The following VPS54 variants were observed in gnomAD, a reference collection of about 807,000 sequenced individuals.
VPS54 encodes vacuolar protein sorting-associated protein 54.
VPS54 carries 45 observed loss-of-function variants against 121.5 expected under a neutral mutation model. That is an observed-to-expected ratio of 0.37 (90% CI 0.29 to 0.47). VPS54 has a LOEUF of 0.47. Ranked by LOEUF, VPS54 falls within the 20% of genes least tolerant of loss-of-function variation. VPS54 has a pLI of 0.99. For missense variants in VPS54, 1,090 were observed against 1,131.4 expected (o/e 0.96, Z 0.52); for synonymous variants, 371 against 385.8 (o/e 0.96, Z 0.45).
intron 7 of VPS54, among the ~76,000 whole-genome samples, chr2:63,954,861 CG>C (rs1675421051): frequency 6.6e-6 from 1 of 151,800 alleles, no homozygotes; most frequent in African/African-American, 2.4e-5. Flanking sequence ...CCAGTTTCTT[CG>C]ATTAGTATTT....
intron 15 of VPS54, among the ~76,000 whole-genome samples, chr2:63,919,251 C>T (rs1476306935): frequency 1.3e-5 from 2 of 152,022 alleles, no homozygotes; most frequent in African/African-American, 4.8e-5. Flanking sequence ...CTCCCTGCCT[C>T]TCTGGTTCTT....
Position 64,000,562 on chromosome 2 carries a change from G to A in VPS54, c.-20-16543C>T, listed in dbSNP as rs372705890. 7.2e-5 allele frequency among the ~76,000 whole-genome samples: 11 copies of A among 152,320 alleles called. No homozygotes were observed. In the East Asian group the frequency reaches 1.2e-3, roughly 16 times the overall value. ...TTTCCAGATACTCTAATGGATTTGGGTGTTGTGATTTAAGCTGTATCTGCT... is the reference window on the plus strand; with the variant it reads ...TTTCCAGATACTCTAATGGATTTGGATGTTGTGATTTAAGCTGTATCTGCT... On this transcript the variant is annotated intron_variant, in intron 1 of 22. Coordinates refer to ENST00000272322, the MANE Select transcript of VPS54 (RefSeq NM_016516.3).
intron 7 of VPS54, among the ~76,000 whole-genome samples, chr2:63,955,384 G>T (rs1246026771): frequency 6.6e-6 from 1 of 151,884 alleles, no homozygotes; most frequent in East Asian, 1.9e-4. Context: ...TAGCACTCAG[G>T]TATGTGTTAC....
chr2:63,977,646 A>G (rs1375150306), intron 3 of VPS54, among the ~76,000 whole-genome samples: 1 of 152,214 alleles, frequency 6.6e-6, no homozygotes, highest in Non-Finnish European at 1.5e-5. Context: ...TATATTAAAC[A>G]TAGTTACTTT....
intron 4 of VPS54, among the ~76,000 whole-genome samples, chr2:63,970,656 G>C (rs746659508): frequency 3.3e-5 from 5 of 152,136 alleles, no homozygotes; most frequent in Non-Finnish European, 7.4e-5. Flanking sequence ...CCAACTAACT[G>C]TTCTTACTTT....
intron 1 of VPS54, among the ~76,000 whole-genome samples, chr2:64,017,776 A>G (rs547649201): frequency 6.6e-6 from 1 of 152,396 alleles, no homozygotes; most frequent in East Asian, 1.9e-4. Flanking sequence ...AAATAGCCAA[A>G]TTACAATAAA....
chr2:63,976,350 C>CAAAAAAAA lies in VPS54; in HGVS notation c.379-4114_379-4107dup, dbSNP rs371137546. Among the ~76,000 whole-genome samples, 16 of 93,834 alleles carry CAAAAAAAA rather than the reference C, an allele frequency of 1.7e-4. 1 individual carries two copies. The highest frequency in any genetic ancestry group is 2.3e-4 in the Non-Finnish European group (10 of 43,432). 61.6% of individuals were successfully genotyped at this position (93,834 alleles called of 152,430 possible). ...TGGGCAACAGAGCGTGACCTTGTCT[C>CAAAAAAAA]AAAAAAAAAAAAAACAAAAAACAAA... On this transcript the variant is annotated intron_variant, in intron 3 of 22. Transcript: ENST00000272322.
At chr2:63,968,835 C>T in intron 5 of VPS54, 122 bp downstream of exon 5, 1 of 749,004 alleles carries the variant, frequency 1.3e-6, no homozygotes. Context: ...GCAACACAGC[C>T]CCACAAGAGA....
At chr2:63,918,151 C>T (rs1157409486) in intron 15 of VPS54, among the ~76,000 whole-genome samples, 1 of 151,940 alleles carries the variant, frequency 6.6e-6, no homozygotes, top group Non-Finnish European at 1.5e-5. Context: ...TACACCTATG[C>T]TATTCAGAGA....
intron 8 of VPS54, 33 bp from the exon 9 acceptor site, chr2:63,947,523 TAA>T: frequency 2.1e-6 from 3 of 1,412,194 alleles, no homozygotes; most frequent in Non-Finnish European, 2.9e-6. Flanking sequence ...CTTGACATTT[TAA>T]ATATGAAGTA....
intron 3 of VPS54, among the ~76,000 whole-genome samples, chr2:63,972,685 A>G (rs1376974643): frequency 6.6e-6 from 1 of 152,104 alleles, no homozygotes; most frequent in Non-Finnish European, 1.5e-5. Context: ...CAAGAGTTCA[A>G]TACTAGCCTG....
chr2:63,985,677 TTATACA>T (rs1265735450), intron 1 of VPS54, among the ~76,000 whole-genome samples: 4,087 of 112,646 alleles, frequency 0.036, 170 homozygotes, highest in African/African-American at 0.14. Context: ...AAGTGACAAA[TTATACA>T]CACACACACA....
chr2:64,018,440 A>G (rs988672534), intron 1 of VPS54, among the ~76,000 whole-genome samples: 1 of 152,222 alleles, frequency 6.6e-6, no homozygotes, highest in African/African-American at 2.4e-5. Flanking sequence ...AGAACTGAAG[A>G]AAATTATTGC....
chr2:64,001,058 T>C (rs962586799), intron 1 of VPS54, among the ~76,000 whole-genome samples: 2 of 152,200 alleles, frequency 1.3e-5, no homozygotes, highest in African/African-American at 2.4e-5. Context: ...GGTGTTCTAT[T>C]ATACTGCAGC....
chr2:63,921,603 C>T lies in VPS54; in HGVS notation c.1740-268G>A, dbSNP rs148279006. 4.9e-3 allele frequency among the ~76,000 whole-genome samples: 741 copies of T among 152,222 alleles called. 10 individuals are homozygous for T. The highest frequency in any genetic ancestry group is 0.017 in the African/African-American group (687 of 41,540). On this transcript the variant is annotated intron_variant, in intron 12 of 22. Coordinates refer to ENST00000272322, the MANE Select transcript of VPS54 (RefSeq NM_016516.3). ...AGTGCAGTGGCACATTCAGAGCTTACTGAAACCTCAAACTCCTAGCCTCAA... is the reference window on the plus strand; with the variant it reads ...AGTGCAGTGGCACATTCAGAGCTTATTGAAACCTCAAACTCCTAGCCTCAA...
intron 11 of VPS54, among the ~76,000 whole-genome samples, chr2:63,939,747 TA>T (rs1263871150): frequency 6.7e-6 from 1 of 149,298 alleles, no homozygotes; most frequent in Non-Finnish European, 1.5e-5. Context: ...TCACACTATA[TA>T]AGTACATCTA....
At chr2:63,981,054 T>G (rs900809523) in intron 3 of VPS54, among the ~76,000 whole-genome samples, 23 of 151,980 alleles carry the variant, frequency 1.5e-4, no homozygotes, top group Non-Finnish European at 8.8e-5. Context: ...ATGAAAAAAG[T>G]ATAAAAAGGA....
chr2:63,951,529 G>A (rs1675244119), intron 7 of VPS54, among the ~76,000 whole-genome samples: 1 of 152,072 alleles, frequency 6.6e-6, no homozygotes, highest in South Asian at 2.1e-4. Flanking sequence ...ACAGGAGGTG[G>A]TTATGAAATT....
chr2:63,995,432 T>A (rs917594121), intron 1 of VPS54, among the ~76,000 whole-genome samples: 3 of 152,262 alleles, frequency 2.0e-5, no homozygotes, highest in African/African-American at 7.2e-5. Context: ...CCTCAATACA[T>A]TTAATTAATG....
Sources: gnomAD v4.1 joint callset for allele counts (sites outside exome capture counted in the v4.1 genomes callset) on GRCh38, gnomAD v4.1.1 for gene constraint, MANE v1.5 for transcripts, NCBI Gene and HGNC (gene_info 2026-07-23, HGNC 2026-07-21) for gene names.